The following RASAL3 variants were observed in gnomAD, a reference collection of about 807,000 sequenced individuals.
RASAL3 encodes the protein RAS protein activator like 3.
RASAL3 carries 74 observed loss-of-function variants against 105.5 expected under a neutral mutation model. That is an observed-to-expected ratio of 0.70 (90% CI 0.58 to 0.85). RASAL3 has a LOEUF of 0.85. Ranked by LOEUF, RASAL3 falls within the 40% of genes least tolerant of loss-of-function variation. RASAL3 has a pLI of 0.00. For missense variants in RASAL3, 1,352 were observed against 1,392.0 expected, an observed-to-expected ratio of 0.97 and a Z score of 0.46; for synonymous variants, 579 against 591.6, an observed-to-expected ratio of 0.98 and a Z score of 0.31.
chr19:15,457,858 G>C lies in RASAL3; in HGVS notation c.889-24C>G, dbSNP rs1262977792. The C allele has an allele frequency of 6.5e-7, 1 of 1,546,186 alleles. No individual in the cohort carries two copies. The highest frequency in any genetic ancestry group is 1.2e-5 in the South Asian group (1 of 83,680). On this transcript the variant is annotated intron_variant, in intron 8 of 17. Coordinates refer to ENST00000343625, the MANE Select transcript of RASAL3 (RefSeq NM_022904.3). This position sits in a 1 kb window ranked among gnomAD's most constrained non-coding sequence, Gnocchi z 8.6. ...TCCTGCAGATGGGAGTGGGATGGGG[G>C]GAAGCGTTTTGGTTTGTTGGCACCC...
At position 15,456,558 on chromosome 19, in the gene RASAL3, T is replaced by A; in HGVS notation, c.1520A>T (p.Lys507Met). The A allele has an allele frequency of 6.2e-7, 1 of 1,613,818 alleles. No homozygotes were observed. Among genetic ancestry groups the A allele is most frequent in the Non-Finnish European group, 8.5e-7 (1 of 1,179,810 alleles). Reference protein sequence around the residue: ...LLFRENTLATKAIDEYMKLVA... With the variant: ...LLFRENTLATMAIDEYMKLVA... ...GAGCTTCATGTACTCATCGATAGCC[T>A]TGGTGGCCAATGTGTTTTCCCGGAA... The change falls in exon 10 of 18, where the codon AAG becomes ATG. Residue 507 changes from lysine (K) to methionine (M), a missense_variant. Coordinates refer to ENST00000343625, the MANE Select transcript of RASAL3 (RefSeq NM_022904.3). The surrounding 1 kb of genome is among the most constrained non-coding windows in gnomAD (Gnocchi z 4.4).
rs1046391564 is a variant in RASAL3, at chr19:15,459,789, G to C, written c.662+414C>G. Among the ~76,000 whole-genome samples, 3 of 152,076 alleles carry C rather than the reference G, an allele frequency of 2.0e-5. No homozygotes were observed. In the East Asian group the frequency reaches 5.8e-4, roughly 29 times the overall value. On this transcript the variant is annotated intron_variant, in intron 6 of 17. Coordinates refer to ENST00000343625, the MANE Select transcript of RASAL3 (RefSeq NM_022904.3). The stretch of plus-strand genomic sequence containing the variant: ...TAGACTCAAGCAGTCTGCCCACTTT[G>C]GCCTCCCAAAGTGCTGGGAGCCACT...
Position 15,453,421 on chromosome 19 carries a change from G to C in RASAL3, c.2356C>G (p.Gln786Glu). 1 of 1,528,550 alleles carries C rather than the reference G, an allele frequency of 6.5e-7. No homozygotes were observed. Among genetic ancestry groups the C allele is most frequent in the African/African-American group, 1.5e-5 (1 of 68,652 alleles). 94.7% of individuals were successfully genotyped at this position (1,528,550 alleles called of 1,614,324 possible). ...GAGCGGCGAACGCTGCGCAGAGACT[G>C]GCTCTTGGAGATGAGAGGGGTGTGC... ...PKHTPLISKS[Q>E]SLRSVRRSES... Residue 786 changes from glutamine to glutamate, a missense_variant, in exon 15 of 18, where the codon CAG becomes GAG. Gln to Glu is a conservative substitution (Grantham distance 29, BLOSUM62 2). Around this residue, in one of 3 missense-constraint regions of RASAL3, gnomAD observed 920 missense variants for 919.6 expected, o/e 1.00. Coordinates refer to ENST00000343625, the MANE Select transcript of RASAL3 (RefSeq NM_022904.3). This position sits in a 1 kb window ranked among gnomAD's most constrained non-coding sequence, Gnocchi z 4.2.
rs761752516 is a variant in RASAL3, at chr19:15,456,545, C to T, written c.1533G>A (p.Glu511=). ...AATCCTGTGCCACGAGCTTCATGTA[C>T]TCATCGATAGCCTTGGTGGCCAATG... ...ENTLATKAID[E]YMKLVAQDYL... is the part of the protein sequence containing the mutation. Residue 511 remains glutamate, a synonymous_variant, in exon 10 of 18, where the codon GAG becomes GAA. Transcript: ENST00000343625. This position sits in a 1 kb window ranked among gnomAD's most constrained non-coding sequence, Gnocchi z 4.4. The T allele has an allele frequency of 1.9e-6, 3 of 1,613,852 alleles. No individual in the cohort carries two copies. In the East Asian group the frequency reaches 6.7e-5, roughly 36 times the overall value.
At chr19:15,460,686 C>T (rs971193965) in intron 5 of RASAL3, among the ~76,000 whole-genome samples, 2 of 152,092 alleles carry the variant, frequency 1.3e-5, no homozygotes, top group Admixed American at 1.3e-4. Context: ...CTGGCCCAAA[C>T]TCCCATTTGT....
Position 15,464,166 on chromosome 19 carries a change from A to G in RASAL3, c.193T>C (p.Ser65Pro). ...GCAGATAGGACCCGACGGAATATCG[A>G]GCGAGGGGCTGGCTGGGTGCTGACC... is the stretch of plus-strand genomic sequence containing the variant. ...PMVSTQPAPR[S>P]IFRRVLSAPP... The change falls in exon 2 of 18, where the codon TCG (serine) becomes CCG (proline). Residue 65 changes from serine to proline, a missense_variant. Around this residue, in one of 3 missense-constraint regions of RASAL3, gnomAD observed 344 missense variants for 339.6 expected, o/e 1.01. Coordinates refer to ENST00000343625, the MANE Select transcript of RASAL3 (RefSeq NM_022904.3). 6.2e-7 allele frequency: 1 copy of G among 1,613,198 alleles called. No individual in the cohort carries two copies. Among genetic ancestry groups the G allele is most frequent in the Non-Finnish European group, 8.5e-7 (1 of 1,179,758 alleles).
intron 15 of RASAL3, 115 bp downstream of exon 15, chr19:15,452,992 G>A (rs1328486016): frequency 2.0e-6 from 3 of 1,512,510 alleles, no homozygotes; most frequent in African/African-American, 1.4e-5. Context: ...GCTAGGCCTG[G>A]GGTCACACAG....
At chr19:15,461,630 G>T in intron 2 of RASAL3, 23 bp from the exon 3 acceptor site, 1 of 1,497,324 alleles carries the variant, frequency 6.7e-7, no homozygotes, top group East Asian at 2.4e-5. Context: ...GGAGGCACTG[G>T]GGGACTTAAG....
chr19:15,452,176 G>A (rs779463558), intron 16 of RASAL3, 68 bp from the exon 17 acceptor site: 35 of 1,533,326 alleles, frequency 2.3e-5, no homozygotes, highest in Non-Finnish European at 3.1e-5. Flanking sequence ...CCTGGTGGGA[G>A]TGCCAGGGAC....
In RASAL3 at chr19:15,453,076, T is replaced by C; in HGVS notation, c.2670+31A>G. 1 of 1,612,042 alleles carries C rather than the reference T, an allele frequency of 6.2e-7. No homozygotes were observed. The highest frequency in any genetic ancestry group is 8.5e-7 in the Non-Finnish European group (1 of 1,179,450). ...TCCCCAGTCGCGTCCCTGTTCCCAC[T>C]CCCCAGGCGCGGACCTGGGCCTGAC... is the stretch of plus-strand genomic sequence containing the variant. On this transcript the variant is annotated intron_variant, in intron 15 of 17. Transcript: ENST00000343625. This position sits in a 1 kb window ranked among gnomAD's most constrained non-coding sequence, Gnocchi z 4.2.
At chr19:15,454,339 C>G in intron 13 of RASAL3, 22 bp downstream of exon 13, 1 of 1,595,368 alleles carries the variant, frequency 6.3e-7, no homozygotes, top group Non-Finnish European at 8.5e-7. Context: ...TCTTGCCTCC[C>G]TACTCTGGGT....
At position 15,457,645 on chromosome 19, in the gene RASAL3, G is replaced by A. The variant is rs1333868369; in HGVS notation, c.1078C>T (p.Leu360=). ...AGCGACAGGCGACGTGCCGGTGGCA[G>A]CGCCTCGAAGTGGAAGCGCTCGGCC... ...FWAERFHFEA[L]PPARRLSLRL... Residue 360 remains leucine (L), a synonymous_variant, in exon 9 of 18, where the codon CTG becomes TTG. Transcript: ENST00000343625. The surrounding 1 kb of genome is among the most constrained non-coding windows in gnomAD (Gnocchi z 8.6). The A allele has an allele frequency of 7.0e-7, 1 of 1,419,466 alleles. No homozygotes were observed. The allele number at this position is 1,419,466 out of a possible 1,614,324, so 87.9% of individuals were successfully genotyped here.
chr19:15,454,434 C>G lies in RASAL3; in HGVS notation c.2087G>C (p.Gly696Ala). ...TAACTGGAGGGCCAGATCACCACTG[C>G]CCTGGTAACCACTGGGGGCAGCATC... Reference protein sequence around the residue: ...DVDAAPSGYQGSGDLALQLAV... With the variant: ...DVDAAPSGYQASGDLALQLAV... Residue 696 changes from glycine (G) to alanine (A), a missense_variant, in exon 13 of 18, where the codon GGC becomes GCC. Gly to Ala is a moderately conservative substitution (Grantham distance 60). Transcript: ENST00000343625. 1 of 1,614,016 alleles carries G rather than the reference C, an allele frequency of 6.2e-7. No homozygotes were observed. Among genetic ancestry groups the G allele is most frequent in the South Asian group, 1.1e-5 (1 of 91,086 alleles).
chr19:15,464,031 C>T lies in RASAL3; in HGVS notation c.328G>A (p.Glu110Lys). Residue 110 changes from glutamate to lysine, a missense_variant and splice_region_variant, in exon 2 of 18, where the codon GAG becomes AAG. Transcript: ENST00000343625. ...AGCTCAGGGTGGGGGAACCATGTAC[C>T]TGGGGCCTCCTGCTCCGGCTCCGGG... ...PDPEPEQEAP[E>K]LEPEPELEPP... 2 of 1,551,684 alleles carry T rather than the reference C, an allele frequency of 1.3e-6. No homozygotes were observed. The highest frequency in any genetic ancestry group is 1.4e-5 in the African/African-American group (1 of 73,170).
Position 15,464,037 on chromosome 19 carries a change from C to T in RASAL3, c.322G>A (p.Ala108Thr). 1.3e-6 allele frequency: 2 copies of T among 1,554,932 alleles called. No homozygotes were observed. Among genetic ancestry groups the T allele is most frequent in the East Asian group, 2.3e-5 (1 of 44,198 alleles). ...PEPDPEPEQE[A>T]PELEPEPELE... ...GGGTGGGGGAACCATGTACCTGGGGCCTCCTGCTCCGGCTCCGGGTCTGGC... is the reference window on the plus strand; with the variant it reads ...GGGTGGGGGAACCATGTACCTGGGGTCTCCTGCTCCGGCTCCGGGTCTGGC... Residue 108 changes from alanine to threonine, a missense_variant, in exon 2 of 18, where the codon GCC (alanine) becomes ACC (threonine). By Grantham distance (58) the Ala-to-Thr change is moderately conservative. Around this residue, in one of 3 missense-constraint regions of RASAL3, gnomAD observed 344 missense variants for 339.6 expected, o/e 1.01. Coordinates refer to ENST00000343625, the MANE Select transcript of RASAL3 (RefSeq NM_022904.3).
Position 15,453,180 on chromosome 19 carries a change from A to G in RASAL3, c.2597T>C (p.Val866Ala). Reference protein sequence around the residue: ...DSASLPRKPSVPWQRQMDQPQ... With the variant: ...DSASLPRKPSAPWQRQMDQPQ... ...CTGGTCCATTTGGCGCTGCCAGGGT[A>G]CCGACGGCTTCCGAGGCAGCGAGGC... Residue 866 changes from valine (V) to alanine (A), a missense_variant, in exon 15 of 18, where the codon GTA (valine) becomes GCA (alanine). Val to Ala is a moderately conservative substitution (Grantham distance 64). Transcript: ENST00000343625. The surrounding 1 kb of genome is among the most constrained non-coding windows in gnomAD (Gnocchi z 4.2). 6.2e-7 allele frequency: 1 copy of G among 1,612,906 alleles called. No homozygotes were observed. The highest frequency in any genetic ancestry group is 8.5e-7 in the Non-Finnish European group (1 of 1,179,528).
In RASAL3 at chr19:15,456,513, T is replaced by C; in HGVS notation, c.1565A>G (p.Gln522Arg). ...YMKLVAQDYL[Q>R]ETLGQVVRRL... is the part of the protein sequence containing the mutation. ...CTCCCCCAGCTCACCCAGGGTCTCC[T>C]GGAGGTAATCCTGTGCCACGAGCTT... Residue 522 changes from glutamine to arginine, a missense_variant, in exon 10 of 18, where the codon CAG becomes CGG. Physicochemically the swap from Gln to Arg is conservative, Grantham distance 43. Coordinates refer to ENST00000343625, the MANE Select transcript of RASAL3 (RefSeq NM_022904.3). This position sits in a 1 kb window ranked among gnomAD's most constrained non-coding sequence, Gnocchi z 4.4. The C allele has an allele frequency of 6.2e-7, 1 of 1,613,784 alleles. No individual in the cohort carries two copies. Among genetic ancestry groups the C allele is most frequent in the Non-Finnish European group, 8.5e-7 (1 of 1,179,804 alleles).
chr19:15,463,925 T>TC (rs1278808752), intron 2 of RASAL3, 106 bp downstream of exon 2: 1 of 1,085,456 alleles, frequency 9.2e-7, no homozygotes, highest in African/African-American at 1.6e-5. Flanking sequence ...GCTTTTGCAC[T>TC]CCCCACAACT....
In RASAL3 at chr19:15,454,835, G is replaced by A. The variant is rs56209154; in HGVS notation, c.1780C>T (p.Arg594Cys). Residue 594 changes from arginine to cysteine, a missense_variant, in exon 12 of 18, where the codon CGT becomes TGT. Arg to Cys is a radical substitution (Grantham distance 180). This residue lies in a region of RASAL3 where 920 missense variants were observed against 919.6 expected (regional missense o/e 1.00). Coordinates refer to ENST00000343625, the MANE Select transcript of RASAL3 (RefSeq NM_022904.3). ...CGGGGGCCCAGCACCTCAGAGCCAC[G>A]TTCTTTACATGCTTCTCGCCAGCTT... is the stretch of plus-strand genomic sequence containing the variant. ...FSSWREACKE[R>C]GSEVLGPRLV... 27,005 of 1,584,874 alleles carry A rather than the reference G, an allele frequency of 0.017. 328 individuals carry two copies. The highest frequency in any genetic ancestry group is 0.052 in the Admixed American group (2,841 of 55,020).
Sources: gnomAD v4.1 joint callset for allele counts (sites outside exome capture counted in the v4.1 genomes callset) on GRCh38, gnomAD v4.1.1 for gene constraint, gnomAD v4.1.1 regional missense constraint, Gnocchi (gnomAD v3.1) non-coding constraint, MANE v1.5 for transcripts, NCBI Gene and HGNC (gene_info 2026-07-23, HGNC 2026-07-21) for gene names.